The following PLEKHG1 variants were observed in gnomAD, a reference collection of about 807,000 sequenced individuals.
The protein encoded by PLEKHG1 is pleckstrin homology and RhoGEF domain containing G1.
A neutral mutation model predicts 100.8 loss-of-function variants in PLEKHG1; 44 were observed. The observed-to-expected ratio is 0.44, with a 90% CI of 0.34 to 0.56. The LOEUF is 0.56. Among genes scored for constraint, PLEKHG1 ranks in the 20% least tolerant of loss-of-function variants. The pLI, the probability that PLEKHG1 is intolerant of heterozygous loss-of-function variation, is 0.01. For synonymous variants in PLEKHG1, 640 were observed against 662.5 expected (o/e 0.97, Z 0.52); for missense variants, 1,545 against 1,720.9 (o/e 0.90, Z 1.81).
chr6:150,649,988 G>T (rs1196320389), intron 2 of PLEKHG1, among the ~76,000 whole-genome samples: 2 of 151,816 alleles, frequency 1.3e-5, no homozygotes, highest in African/African-American at 4.8e-5. Flanking sequence ...CTCCAGCCTG[G>T]GCGACAGAGC....
chr6:150,718,266 G>A (rs745897983), upstream of PLEKHG1, among the ~76,000 whole-genome samples: 1 of 152,012 alleles, frequency 6.6e-6, no homozygotes, highest in Non-Finnish European at 1.5e-5. Context: ...AACCAGCAGC[G>A]CACCTCCAAG....
At chr6:150,676,286 G>A (rs1779756007) in intron 3 of PLEKHG1, among the ~76,000 whole-genome samples, 1 of 152,212 alleles carries the variant, frequency 6.6e-6, no homozygotes, top group Non-Finnish European at 1.5e-5. Context: ...AATTGGATAA[G>A]TGGTCCAAGG....
At chr6:150,672,609 T>C (rs1267390555) in intron 3 of PLEKHG1, among the ~76,000 whole-genome samples, 1 of 152,158 alleles carries the variant, frequency 6.6e-6, no homozygotes, top group Non-Finnish European at 1.5e-5. Flanking sequence ...TAGAAAAAAT[T>C]AGTGGATAAT....
At chr6:150,809,596 C>A in intron 9 of PLEKHG1, 52 bp from the exon 11 acceptor site, 2 of 1,538,780 alleles carry the variant, frequency 1.3e-6, no homozygotes, top group Non-Finnish European at 1.8e-6. Flanking sequence ...ATCAGAGGGT[C>A]CTGTGGGTGG....
chr6:150,740,514 CA>C (rs1782800500), intron 2 of PLEKHG1, among the ~76,000 whole-genome samples: 1 of 152,168 alleles, frequency 6.6e-6, no homozygotes, highest in Admixed American at 6.5e-5. Context: ...ATTTTCCCTC[CA>C]ATTTAAATAA....
intron 15 of PLEKHG1, among the ~76,000 whole-genome samples, chr6:150,837,991 A>C (rs1283413842): frequency 1.3e-5 from 2 of 152,196 alleles, no homozygotes; most frequent in African/African-American, 4.8e-5. Flanking sequence ...AAGTTAGACT[A>C]TTTACCTTGA....
chr6:150,835,217 G>T (rs1777164290), intron 15 of PLEKHG1, among the ~76,000 whole-genome samples: 1 of 152,108 alleles, frequency 6.6e-6, no homozygotes, highest in South Asian at 2.1e-4. Flanking sequence ...ATAGCATGCT[G>T]GCCATCTTGT....
chr6:150,763,884 A>C (rs995302896), intron 2 of PLEKHG1, among the ~76,000 whole-genome samples: 2 of 152,178 alleles, frequency 1.3e-5, no homozygotes, highest in African/African-American at 4.8e-5. Context: ...GAAGTGACGA[A>C]GAGAGAGGAG....
chr6:150,721,448 T>C (rs945793913), intron 1 of PLEKHG1, among the ~76,000 whole-genome samples: 2 of 152,220 alleles, frequency 1.3e-5, no homozygotes, highest in African/African-American at 4.8e-5. Flanking sequence ...CAATAGTTTT[T>C]GTCTTAGTTT....
At chr6:150,713,758 G>A (rs187962807) in intron 3 of PLEKHG1, among the ~76,000 whole-genome samples, 2 of 152,134 alleles carry the variant, frequency 1.3e-5, no homozygotes, top group Non-Finnish European at 2.9e-5. Flanking sequence ...GGGAAGGGGT[G>A]GGGGGCAGTT....
At chr6:150,660,100 G>A (rs1779129337) in intron 3 of PLEKHG1, among the ~76,000 whole-genome samples, 1 of 151,406 alleles carries the variant, frequency 6.6e-6, no homozygotes, top group African/African-American at 2.4e-5. Context: ...AGTAGAGACA[G>A]GGTTTCACCA....
At chr6:150,734,026 T>C (rs1402672080) in exon 2 of PLEKHG1, 8 of 1,614,034 alleles carry the variant, frequency 5.0e-6, no homozygotes, top group Non-Finnish European at 6.8e-6. Context: ...TCTATGTGGA[T>C]AGAGTTGTTC....
At chr6:150,783,169 T>TAA (rs71014520) in intron 3 of PLEKHG1, among the ~76,000 whole-genome samples, 3,944 of 79,350 alleles carry the variant, frequency 0.05, 283 homozygotes, top group African/African-American at 0.15. Flanking sequence ...GAAAAAAAAC[T>TAA]AAAAAAAAAA....
intron 1 of PLEKHG1, among the ~76,000 whole-genome samples, chr6:150,610,031 G>A (rs543070956): frequency 6.6e-6 from 1 of 152,328 alleles, no homozygotes; most frequent in East Asian, 1.9e-4. Context: ...CTCACCACAA[G>A]CACCTACGAA....
chr6:150,661,083 C>T (rs1562418453), intron 3 of PLEKHG1, among the ~76,000 whole-genome samples: 1 of 152,068 alleles, frequency 6.6e-6, no homozygotes, highest in Non-Finnish European at 1.5e-5. Flanking sequence ...GAAAGGTTTC[C>T]TCCCCTGGAA....
At chr6:150,830,829 C>T in exon 15 of PLEKHG1, 1 of 1,614,208 alleles carries the variant, frequency 6.2e-7, no homozygotes, top group South Asian at 1.1e-5. Flanking sequence ...GATCTGAACT[C>T]TACCAGACTA....
chr6:150,653,026 T>C (rs989618396), intron 3 of PLEKHG1, among the ~76,000 whole-genome samples: 1 of 152,228 alleles, frequency 6.6e-6, no homozygotes, highest in Non-Finnish European at 1.5e-5. Flanking sequence ...GTTTTCTTAC[T>C]GCAGATCTTT....
chr6:150,608,727 A>T (rs1252308515), intron 1 of PLEKHG1, among the ~76,000 whole-genome samples: 1 of 152,220 alleles, frequency 6.6e-6, no homozygotes, highest in Non-Finnish European at 1.5e-5. Context: ...TTATGAAAAA[A>T]ACTGTGTGCA....
intron 1 of PLEKHG1, among the ~76,000 whole-genome samples, chr6:150,616,483 T>C (rs1777077417): frequency 6.6e-6 from 1 of 152,198 alleles, no homozygotes; most frequent in Non-Finnish European, 1.5e-5. Flanking sequence ...GGGGCTCATG[T>C]TGGCTATTAA....
Sources: allele counts gnomAD v4.1 joint callset (sites outside exome capture counted in the v4.1 genomes callset), GRCh38; gene constraint gnomAD v4.1.1; transcripts MANE v1.5; gene names NCBI Gene and HGNC (gene_info 2026-07-23, HGNC 2026-07-21).